The following GRAMD1C variants were observed in gnomAD, a reference collection of about 807,000 sequenced individuals.
GRAMD1C encodes the protein GRAM domain containing 1C, also known as protein Aster-C.
GRAMD1C carries 89 observed loss-of-function variants against 97.8 expected under a neutral mutation model. That is an observed-to-expected ratio of 0.91 (90% CI 0.77 to 1.09). The LOEUF (loss-of-function observed/expected upper bound fraction) is 1.09. Ranked by LOEUF, GRAMD1C falls within the 50% of genes least tolerant of loss-of-function variation. GRAMD1C has a pLI of 0.00. For missense variants in GRAMD1C, 740 were observed against 766.4 expected (o/e 0.97, Z 0.41); for synonymous variants, 256 against 267.0 (o/e 0.96, Z 0.40).
intron 10 of GRAMD1C, among the ~76,000 whole-genome samples, chr3:113,925,961 C>T (rs1438462101): frequency 6.6e-6 from 1 of 152,046 alleles, no homozygotes; most frequent in Non-Finnish European, 1.5e-5. Context: ...TGGCCTGCCC[C>T]TTCCCTCTAG....
intron 6 of GRAMD1C, among the ~76,000 whole-genome samples, chr3:113,889,448 A>T (rs1226085552): frequency 6.6e-6 from 1 of 152,202 alleles, no homozygotes; most frequent in Non-Finnish European, 1.5e-5. Flanking sequence ...TGATGGAGTC[A>T]GTTATCTTTC....
intron 2 of GRAMD1C, among the ~76,000 whole-genome samples, chr3:113,867,468 T>A (rs1027254515): frequency 5.9e-5 from 9 of 151,752 alleles, no homozygotes; most frequent in African/African-American, 2.2e-4. Flanking sequence ...AATTTTTGTA[T>A]TTTAGTAGAG....
intron 10 of GRAMD1C, among the ~76,000 whole-genome samples, chr3:113,921,660 G>A (rs1937060871): frequency 1.3e-5 from 2 of 152,138 alleles, no homozygotes; most frequent in Admixed American, 6.5e-5. Context: ...ATTCTGTCTG[G>A]TGTGAGATAG....
intron 1 of GRAMD1C, among the ~76,000 whole-genome samples, chr3:113,832,678 G>A (rs111230805): frequency 0.015 from 2,227 of 152,086 alleles, 52 homozygotes; most frequent in African/African-American, 0.049. Context: ...CCTCATACAA[G>A]TCAAACTAAT....
At chr3:113,890,395 G>A (rs982576939) in intron 6 of GRAMD1C, among the ~76,000 whole-genome samples, 2 of 152,204 alleles carry the variant, frequency 1.3e-5, no homozygotes, top group African/African-American at 4.8e-5. Flanking sequence ...AGCAGGTCCT[G>A]CAGTGCATGT....
intron 7 of GRAMD1C, among the ~76,000 whole-genome samples, chr3:113,902,406 C>G (rs1936211321): frequency 6.6e-6 from 1 of 152,126 alleles, no homozygotes; most frequent in Non-Finnish European, 1.5e-5. Flanking sequence ...AGCAGTTACT[C>G]TAATGCAAAG....
chr3:113,838,047 T>C (rs1410426329), upstream of GRAMD1C, among the ~76,000 whole-genome samples: 2 of 152,214 alleles, frequency 1.3e-5, no homozygotes, highest in Non-Finnish European at 2.9e-5. Flanking sequence ...GATAAATATT[T>C]CTTCTCAGAC....
intron 8 of GRAMD1C, among the ~76,000 whole-genome samples, chr3:113,907,274 A>G (rs1393073858): frequency 6.6e-6 from 1 of 152,214 alleles, no homozygotes. Flanking sequence ...GAATGAAAAT[A>G]TATTTATGTG....
rs767634240 is a variant in GRAMD1C at position 113,909,015 on chromosome 3, A to G, written c.847A>G (p.Thr283Ala). The G allele has an allele frequency of 1.9e-6, 3 of 1,579,178 alleles. No individual in the cohort carries two copies. Among genetic ancestry groups the G allele is most frequent in the Non-Finnish European group, 2.6e-6 (3 of 1,164,454 alleles). The change falls in exon 9 of 18, where the codon ACT (threonine) becomes GCT (alanine). Residue 283 changes from threonine (T) to alanine (A), a missense_variant. Coordinates refer to ENST00000358160, the MANE Select transcript of GRAMD1C (RefSeq NM_017577.5). The stretch of plus-strand genomic sequence containing the variant: ...ACAGACCAAAAAGAGTCTCTTACCA[A>G]CTTTGGAAAAGAAGTTAACTAGAGT... The part of the protein sequence containing the change: ...EKQTKKSLLP[T>A]LEKKLTRVPS...
At chr3:113,849,266 A>ATTTT (rs1181040745) in intron 2 of GRAMD1C, among the ~76,000 whole-genome samples, 7 of 131,154 alleles carry the variant, frequency 5.3e-5, no homozygotes, top group East Asian at 2.4e-4. Context: ...GCTAGTTAAT[A>ATTTT]TTTTATTTAT....
intron 6 of GRAMD1C, chr3:113,885,681 G>A (rs1935448922): frequency 6.6e-7 from 1 of 1,519,920 alleles, no homozygotes; most frequent in South Asian, 1.1e-5. Flanking sequence ...CGAGCTGGTG[G>A]TGTTTACAGA....
intron 2 of GRAMD1C, chr3:113,850,822 G>T: frequency 1.8e-6 from 1 of 544,364 alleles, no homozygotes; most frequent in Non-Finnish European, 2.8e-6. Context: ...TTTTTTTTGA[G>T]ATGGAGTATT....
chr3:113,891,342 T>G (rs1438408088), intron 6 of GRAMD1C, among the ~76,000 whole-genome samples: 4 of 152,150 alleles, frequency 2.6e-5, no homozygotes, highest in Admixed American at 6.5e-5. Context: ...AACTCCCATT[T>G]ATGAAGTATT....
chr3:113,945,888 G>A lies in GRAMD1C; in HGVS notation c.*410G>A, dbSNP rs1045636756. On this transcript the variant is annotated 3_prime_UTR_variant, in exon 18 of 18. Transcript: ENST00000358160. The stretch of plus-strand genomic sequence containing the variant: ...GAGATAAGACCAAGAGGATAAACAG[G>A]ACAATATAAGAAGAAACCTCTATGT... The A allele has an allele frequency of 6.3e-6, 1 of 159,432 alleles. No homozygotes were observed. The highest frequency in any genetic ancestry group is 2.4e-5 in the African/African-American group (1 of 41,574). 9.9% of individuals were successfully genotyped at this position (159,432 alleles called of 1,614,324 possible).
chr3:113,846,501 T>C (rs1223161240), intron 2 of GRAMD1C, among the ~76,000 whole-genome samples: 1 of 152,146 alleles, frequency 6.6e-6, no homozygotes, highest in Admixed American at 6.6e-5. Flanking sequence ...CTGTGGTTAC[T>C]ATTGACAGAC....
intron 7 of GRAMD1C, among the ~76,000 whole-genome samples, chr3:113,901,613 T>C (rs973756536): frequency 6.6e-6 from 1 of 152,196 alleles, no homozygotes; most frequent in Non-Finnish European, 1.5e-5. Flanking sequence ...CAAATAATTG[T>C]AATACAAGGT....
intron 1 of GRAMD1C, among the ~76,000 whole-genome samples, chr3:113,831,654 T>C (rs1328842939): frequency 3.3e-5 from 5 of 152,162 alleles, no homozygotes; most frequent in African/African-American, 1.2e-4. Context: ...ATAATCCCAA[T>C]TGACCCACCT....
intron 5 of GRAMD1C, among the ~76,000 whole-genome samples, chr3:113,879,980 C>T (rs924064322): frequency 6.6e-6 from 1 of 152,052 alleles, no homozygotes; most frequent in African/African-American, 2.4e-5. Flanking sequence ...CAGCGTGAGC[C>T]ACCGTGCCCG....
At chr3:113,837,922 A>G (rs1431935385), upstream of GRAMD1C, among the ~76,000 whole-genome samples, 1 of 152,206 alleles carries the variant, frequency 6.6e-6, no homozygotes, top group Non-Finnish European at 1.5e-5. Context: ...GAAAAAGAGA[A>G]AAAAGAGTTA....
Sources: gnomAD v4.1 joint callset for allele counts (sites outside exome capture counted in the v4.1 genomes callset) on GRCh38, gnomAD v4.1.1 for gene constraint, MANE v1.5 for transcripts, NCBI Gene and HGNC (gene_info 2026-07-23, HGNC 2026-07-21) for gene names.